ZHX3: variants seen among roughly 807,000 people sequenced by gnomAD.
ZHX3 encodes zinc fingers and homeoboxes 3, also known as zinc fingers and homeoboxes protein 3.
ZHX3 carries 20 observed loss-of-function variants against 64.5 expected under a neutral mutation model. That is an observed-to-expected ratio of 0.31 (90% CI 0.22 to 0.45). The LOEUF is 0.45. ZHX3 is among the 20% of genes least tolerant of loss of function. ZHX3 has a pLI of 1.00. For synonymous variants in ZHX3, 423 were observed against 461.6 expected (o/e 0.92, Z 1.07); for missense variants, 1,041 against 1,195.8 (o/e 0.87, Z 1.91).
At chr20:41,287,874 G>C (rs2044016242) in intron 1 of ZHX3, among the ~76,000 whole-genome samples, 2 of 152,116 alleles carry the variant, frequency 1.3e-5, no homozygotes, top group Non-Finnish European at 2.9e-5. Flanking sequence ...ATGCTACTTT[G>C]AGTCATTTAT....
Position 41,201,874 on chromosome 20 carries a change from T to G in ZHX3, c.2860+183A>C, listed in dbSNP as rs928752876. Among the ~76,000 whole-genome samples, 2 of 152,218 alleles carry G rather than the reference T, an allele frequency of 1.3e-5. No individual in the cohort carries two copies. The highest frequency in any genetic ancestry group is 4.8e-5 in the African/African-American group (2 of 41,458). On this transcript the variant is annotated intron_variant, in intron 3 of 3. Coordinates refer to ENST00000683867, the MANE Select transcript of ZHX3 (RefSeq NM_001384317.1). The surrounding 1 kb of genome is among the most constrained non-coding windows in gnomAD (Gnocchi z 5.0). Reference sequence around the variant, plus strand: ...AAACAAAAAACAGCTCTCAACCGTTTATCATATTATATTCCTATGGCTTCT... The same window carrying G: ...AAACAAAAAACAGCTCTCAACCGTTGATCATATTATATTCCTATGGCTTCT...
chr20:41,226,172 TG>T lies in ZHX3; in HGVS notation c.-150-21107del, dbSNP rs1233730006. Among the ~76,000 whole-genome samples the T allele has an allele frequency of 6.6e-6, 1 of 151,808 alleles. No homozygotes were observed. Among genetic ancestry groups the T allele is most frequent in the East Asian group, 1.9e-4 (1 of 5,172 alleles). ...CAGCACTTTGGGAGGCCGAGGCGGG[TG>T]GATCATGAGGTCAGGAGATCGAAAC... On this transcript the variant is annotated intron_variant, in intron 2 of 3. Coordinates refer to ENST00000683867, the MANE Select transcript of ZHX3 (RefSeq NM_001384317.1). This position sits in a 1 kb window ranked among gnomAD's most constrained non-coding sequence, Gnocchi z 4.4.
chr20:41,204,473 A>G lies in ZHX3; in HGVS notation c.444T>C (p.His148=). The change falls in exon 3 of 4, where the codon CAT becomes CAC. Residue 148 remains histidine, a synonymous_variant. Coordinates refer to ENST00000683867, the MANE Select transcript of ZHX3 (RefSeq NM_001384317.1). The surrounding 1 kb of genome is among the most constrained non-coding windows in gnomAD (Gnocchi z 6.6). ...CAGGGATGCTCTGCTCCACAACCAC[A>G]TGATTGTCTGGCTTGGCCACGTTCC... ...FVWNVAKPDN[H]VVVEQSIPES... 2 of 1,614,144 alleles carry G rather than the reference A, an allele frequency of 1.2e-6. No homozygotes were observed. Among genetic ancestry groups the G allele is most frequent in the African/African-American group, 1.3e-5 (1 of 75,014 alleles).
At chr20:41,256,344 C>G (rs1568904682) in intron 2 of ZHX3, among the ~76,000 whole-genome samples, 1 of 145,308 alleles carries the variant, frequency 6.9e-6, no homozygotes. Context: ...CAGAATAAGA[C>G]TAGTCTCCAG....
chr20:41,279,874 T>C (rs1031973092), intron 1 of ZHX3, among the ~76,000 whole-genome samples: 1 of 152,164 alleles, frequency 6.6e-6, no homozygotes, highest in Non-Finnish European at 1.5e-5. Context: ...CAAACTCAAA[T>C]TCAGAGATAA....
chr20:41,214,398 C>T (rs1357135130), intron 2 of ZHX3, among the ~76,000 whole-genome samples: 1 of 152,158 alleles, frequency 6.6e-6, no homozygotes, highest in African/African-American at 2.4e-5. Context: ...AACTGGGAGA[C>T]GACAGAAGCT....
rs1174358737 is a variant in ZHX3 at position 41,180,601 on chromosome 20, C to T, written c.*4590G>A. 1 of 152,452 alleles carries T rather than the reference C, an allele frequency of 6.6e-6. No homozygotes were observed. The highest frequency in any genetic ancestry group is 3.4e-3 in the Middle Eastern group (1 of 296). The allele number at this position is 152,452 out of a possible 1,614,324, so 9.4% of individuals were successfully genotyped here. On this transcript the variant is annotated 3_prime_UTR_variant, in exon 4 of 4. Coordinates refer to ENST00000683867, the MANE Select transcript of ZHX3 (RefSeq NM_001384317.1). ...GAAGAACCAAAAAGGAGGCTCTCAA[C>T]CCCTCTCCAAGGCCAGACGCTCTCT...
rs1472932253 is a variant in ZHX3 at position 41,182,608 on chromosome 20, GATC to G, written c.*2580_*2582del. The G allele has an allele frequency of 6.6e-6, 1 of 152,238 alleles. No homozygotes were observed. The highest frequency in any genetic ancestry group is 1.9e-4 in the East Asian group (1 of 5,196). 9.4% of individuals were successfully genotyped at this position (152,238 alleles called of 1,614,324 possible). On this transcript the variant is annotated 3_prime_UTR_variant, in exon 4 of 4. Coordinates refer to ENST00000683867, the MANE Select transcript of ZHX3 (RefSeq NM_001384317.1). The surrounding 1 kb of genome is among the most constrained non-coding windows in gnomAD (Gnocchi z 6.1). ...GACTGCCTCCCTCATCATCGCTTTT[GATC>G]ATCTTTCAAGGATAAGGTCCAGAGC...
chr20:41,294,510 C>G (rs546593616), intron 1 of ZHX3, among the ~76,000 whole-genome samples: 1 of 151,962 alleles, frequency 6.6e-6, no homozygotes, highest in Admixed American at 6.6e-5. Flanking sequence ...TACAGGCACC[C>G]CCCCACCACA....
At chr20:41,214,170 T>A (rs1249078053) in intron 2 of ZHX3, among the ~76,000 whole-genome samples, 1 of 152,206 alleles carries the variant, frequency 6.6e-6, no homozygotes, top group South Asian at 2.1e-4. Flanking sequence ...TCTGGGTAGA[T>A]GGACCATTGA....
chr20:41,236,287 G>A (rs1480660123), intron 2 of ZHX3, among the ~76,000 whole-genome samples: 1 of 152,066 alleles, frequency 6.6e-6, no homozygotes, highest in Non-Finnish European at 1.5e-5. Flanking sequence ...AGGTCATATG[G>A]AACCAAAAAA....
intron 1 of ZHX3, 199 bp downstream of exon 1, chr20:41,317,310 G>C (rs1302797224): frequency 1.3e-5 from 2 of 152,384 alleles, no homozygotes; most frequent in Non-Finnish European, 2.9e-5. Flanking sequence ...CTCTCAGCAT[G>C]GGGGTGCTGG....
chr20:41,253,699 A>G (rs2042099333), intron 2 of ZHX3, among the ~76,000 whole-genome samples: 1 of 152,160 alleles, frequency 6.6e-6, no homozygotes, highest in African/African-American at 2.4e-5. Context: ...AGATTTAACT[A>G]CAATAAAATG....
At position 41,228,587 on chromosome 20, in the gene ZHX3, G is replaced by A. The variant is rs2040411807; in HGVS notation, c.-150-23521C>T. On this transcript the variant is annotated intron_variant, in intron 2 of 3. Transcript: ENST00000683867. The surrounding 1 kb of genome is among the most constrained non-coding windows in gnomAD (Gnocchi z 4.6). ...TCCCACTGTCCTCACATGGCAGAAG[G>A]GACCAGGGAGTGTCTGGGGTCTCTT... 6.6e-6 allele frequency among the ~76,000 whole-genome samples: 1 copy of A among 152,154 alleles called. No individual in the cohort carries two copies. Among genetic ancestry groups the A allele is most frequent in the Admixed American group, 6.5e-5 (1 of 15,268 alleles).
intron 2 of ZHX3, among the ~76,000 whole-genome samples, chr20:41,220,300 T>C (rs960515160): frequency 4.6e-5 from 7 of 151,980 alleles, no homozygotes; most frequent in Non-Finnish European, 1.0e-4. Context: ...GAGAAAAGAG[T>C]GTTCTAGACA....
intron 2 of ZHX3, among the ~76,000 whole-genome samples, chr20:41,252,801 TA>T (rs2042053381): frequency 1.3e-5 from 2 of 152,218 alleles, no homozygotes; most frequent in African/African-American, 4.8e-5. Flanking sequence ...AATTCTTTTA[TA>T]AAATGTTATC....
chr20:41,275,251 A>G (rs2043323609), intron 1 of ZHX3, among the ~76,000 whole-genome samples: 1 of 152,242 alleles, frequency 6.6e-6, no homozygotes, highest in Non-Finnish European at 1.5e-5. Flanking sequence ...AATCGCAGGA[A>G]AAAGAAATCC....
chr20:41,204,031 G>A lies in ZHX3; in HGVS notation c.886C>T (p.Leu296Phe), dbSNP rs751077421. ...VHQPLPTAKA[L>F]PKVMIPLSSI... is the part of the protein sequence containing the mutation. ...CTCAGGGGGATCATCACTTTGGGAA[G>A]GGCCTTGGCCGTGGGCAGTGGCTGG... The change falls in exon 3 of 4, where the codon CTT (leucine) becomes TTT (phenylalanine). Residue 296 changes from leucine to phenylalanine, a missense_variant. Leu to Phe is a conservative substitution (Grantham distance 22). Transcript: ENST00000683867. The surrounding 1 kb of genome is among the most constrained non-coding windows in gnomAD (Gnocchi z 6.6). The A allele has an allele frequency of 5.9e-5, 95 of 1,614,056 alleles. No individual in the cohort carries two copies. The highest frequency in any genetic ancestry group is 7.5e-5 in the Non-Finnish European group (89 of 1,179,988).
intron 2 of ZHX3, among the ~76,000 whole-genome samples, chr20:41,264,482 C>G (rs2146586726): frequency 6.7e-6 from 1 of 150,150 alleles, no homozygotes; most frequent in African/African-American, 2.5e-5. Context: ...TCACTTGAAC[C>G]CAGGAGGCAG....
Sources: allele counts gnomAD v4.1 joint callset (sites outside exome capture counted in the v4.1 genomes callset), GRCh38; gene constraint gnomAD v4.1.1; non-coding constraint Gnocchi (gnomAD v3.1); transcripts MANE v1.5; gene names NCBI Gene and HGNC (gene_info 2026-07-23, HGNC 2026-07-21).